CDH18: variants seen among roughly 807,000 people sequenced by gnomAD.
CDH18 encodes cadherin-18.
CDH18 carries 31 observed loss-of-function variants against 67.9 expected under a neutral mutation model. That is an observed-to-expected ratio of 0.46 (90% CI 0.34 to 0.62). The LOEUF (loss-of-function observed/expected upper bound fraction) is 0.62. Ranked by LOEUF, CDH18 falls within the 20% of genes least tolerant of loss-of-function variation. CDH18 has a pLI of 0.01. For missense variants in CDH18, 890 were observed against 975.5 expected, an observed-to-expected ratio of 0.91 and a Z score of 1.17; for synonymous variants, 362 against 347.2, an observed-to-expected ratio of 1.04 and a Z score of -0.48.
intron 2 of CDH18, among the ~76,000 whole-genome samples, chr5:20,082,018 T>C (rs1418558675): frequency 1.3e-5 from 2 of 152,192 alleles, no homozygotes; most frequent in East Asian, 3.9e-4. Flanking sequence ...TCTATATATA[T>C]GCAGTATGTT....
Position 20,308,472 on chromosome 5 carries a change from G to A in CDH18, c.-579-52967C>T, listed in dbSNP as rs192536687. ...GTAGGAGAATCGCTTGAACCCGGGAGGGGGAGGTTGCAGTGAGTGGAGATC... is the reference window on the plus strand; with the variant it reads ...GTAGGAGAATCGCTTGAACCCGGGAAGGGGAGGTTGCAGTGAGTGGAGATC... On this transcript the variant is annotated intron_variant, in intron 1 of 14. Transcript: ENST00000507958. Among the ~76,000 whole-genome samples, 179 of 152,010 alleles carry A rather than the reference G, an allele frequency of 1.2e-3. 1 individual carries two copies. The highest frequency in any genetic ancestry group is 1.5e-3 in the Non-Finnish European group (105 of 67,970).
chr5:20,324,472 C>T (rs1024340810), intron 1 of CDH18, among the ~76,000 whole-genome samples: 3 of 151,976 alleles, frequency 2.0e-5, no homozygotes, highest in African/African-American at 4.8e-5. Context: ...ACCCGGGAGG[C>T]GGAGCTTGCA....
At chr5:20,026,898 A>AG (rs1413465552) in intron 2 of CDH18, among the ~76,000 whole-genome samples, 2 of 152,078 alleles carry the variant, frequency 1.3e-5, no homozygotes, top group African/African-American at 4.8e-5. Context: ...TGGAGCTTGC[A>AG]GTGAGCTGAG....
chr5:20,526,872 C>T (rs1328078508), intron 1 of CDH18, among the ~76,000 whole-genome samples: 1 of 152,010 alleles, frequency 6.6e-6, no homozygotes, highest in Non-Finnish European at 1.5e-5. Flanking sequence ...TCTTCTCCTC[C>T]AAATGATTGC....
At chr5:20,528,416 A>G (rs1037018646) in intron 1 of CDH18, among the ~76,000 whole-genome samples, 2 of 152,078 alleles carry the variant, frequency 1.3e-5, no homozygotes, top group African/African-American at 4.8e-5. Context: ...ATAGATACCT[A>G]CAGAACTCTC....
intron 1 of CDH18, among the ~76,000 whole-genome samples, chr5:20,441,714 A>G (rs1749617876): frequency 6.6e-6 from 1 of 151,830 alleles, no homozygotes; most frequent in African/African-American, 2.4e-5. Context: ...CTATTTTTTT[A>G]TCATTATTAT....
At chr5:20,029,453 G>A (rs764623004) in intron 2 of CDH18, among the ~76,000 whole-genome samples, 10 of 152,022 alleles carry the variant, frequency 6.6e-5, no homozygotes, top group South Asian at 4.1e-4. Flanking sequence ...ATGCTTGGCC[G>A]TTCTCCCAGA....
chr5:19,710,663 G>A (rs1393096952), intron 5 of CDH18, among the ~76,000 whole-genome samples: 1 of 151,998 alleles, frequency 6.6e-6, no homozygotes, highest in Non-Finnish European at 1.5e-5. Flanking sequence ...GAAGATCAGA[G>A]ACGTGACAAA....
intron 2 of CDH18, among the ~76,000 whole-genome samples, chr5:20,128,781 T>A (rs1254160616): frequency 6.6e-6 from 1 of 152,110 alleles, no homozygotes; most frequent in Non-Finnish European, 1.5e-5. Context: ...TTAAGAAACA[T>A]ATAAGATCTT....
chr5:20,206,004 G>C (rs987996315), intron 2 of CDH18, among the ~76,000 whole-genome samples: 7 of 151,756 alleles, frequency 4.6e-5, no homozygotes, highest in Non-Finnish European at 4.4e-5. Flanking sequence ...GATTAGAGCA[G>C]AGATAAATAA....
intron 10 of CDH18, among the ~76,000 whole-genome samples, chr5:19,503,529 C>G (rs1156933214): frequency 1.3e-5 from 2 of 152,022 alleles, no homozygotes; most frequent in African/African-American, 2.4e-5. Context: ...AATGCAAGAA[C>G]AGTGGAGTCT....
At chr5:19,631,410 C>T (rs1305969200) in intron 5 of CDH18, among the ~76,000 whole-genome samples, 1 of 152,106 alleles carries the variant, frequency 6.6e-6, no homozygotes, top group Non-Finnish European at 1.5e-5. Context: ...ATGTATTAAA[C>T]TGTAGCAATG....
intron 1 of CDH18, among the ~76,000 whole-genome samples, chr5:20,292,782 T>C (rs1747200357): frequency 6.6e-6 from 1 of 152,140 alleles, no homozygotes; most frequent in Non-Finnish European, 1.5e-5. Flanking sequence ...TTCTTCTTCC[T>C]ATATGTCTTC....
At chr5:20,573,079 A>T (rs964358619) in intron 1 of CDH18, among the ~76,000 whole-genome samples, 1 of 152,066 alleles carries the variant, frequency 6.6e-6, no homozygotes, top group South Asian at 2.1e-4. Flanking sequence ...CTAATCATTG[A>T]CCATTTCCTG....
intron 1 of CDH18, among the ~76,000 whole-genome samples, chr5:20,452,935 C>G (rs1750568939): frequency 6.6e-6 from 1 of 151,948 alleles, no homozygotes; most frequent in African/African-American, 2.4e-5. Context: ...TAAACCACAC[C>G]AACGATAGAG....
At position 19,568,880 on chromosome 5, in the gene CDH18, C is replaced by T. The variant is rs74838783; in HGVS notation, c.1253+2699G>A. Among the ~76,000 whole-genome samples the T allele has an allele frequency of 7.2e-3, 1,093 of 152,288 alleles. 15 individuals are homozygous for T. The highest frequency in any genetic ancestry group is 0.025 in the African/African-American group (1,036 of 41,580). On this transcript the variant is annotated intron_variant, in intron 8 of 12. Transcript: ENST00000382275. ...CAAGATGTAATAACTAGATATCTCT[C>T]CAGACATTTTCAACTGTCCCTTGCA...
intron 4 of CDH18, among the ~76,000 whole-genome samples, chr5:19,729,206 G>GA (rs1030720695): frequency 1.3e-3 from 22 of 17,384 alleles, no homozygotes; most frequent in Admixed American, 6.4e-3. Context: ...TCCATAAATG[G>GA]AAAAAATAAT....
chr5:20,509,372 G>T (rs1267564782), intron 1 of CDH18, among the ~76,000 whole-genome samples: 11 of 149,206 alleles, frequency 7.4e-5, no homozygotes, highest in Non-Finnish European at 1.2e-4. Context: ...ATAATCTACA[G>T]GTTTATCTAT....
chr5:19,543,045 G>A (rs1228428739), intron 9 of CDH18, among the ~76,000 whole-genome samples: 1 of 151,774 alleles, frequency 6.6e-6, no homozygotes, highest in Non-Finnish European at 1.5e-5. Flanking sequence ...ATATATTCAT[G>A]GTTTTTTTCA....
Sources: gnomAD v4.1 joint callset for allele counts (sites outside exome capture counted in the v4.1 genomes callset) on GRCh38, gnomAD v4.1.1 for gene constraint, MANE v1.5 for transcripts, NCBI Gene and HGNC (gene_info 2026-07-23, HGNC 2026-07-21) for gene names.